WNT7B: variants seen among roughly 807,000 people sequenced by gnomAD.
WNT7B encodes protein Wnt-7b.
A neutral mutation model predicts 38.2 loss-of-function variants in WNT7B; 19 were observed. That is an observed-to-expected ratio of 0.50 (90% CI 0.35 to 0.73). The LOEUF (loss-of-function observed/expected upper bound fraction) is 0.73. Ranked by LOEUF, WNT7B falls within the 30% of genes least tolerant of loss-of-function variation. The pLI is 0.01. For synonymous variants in WNT7B, 243 were observed against 209.3 expected (o/e 1.16, Z -1.39); for missense variants, 423 against 507.9 (o/e 0.83, Z 1.61).
rs182576381 is a variant in WNT7B, at chr22:45,961,372, G to T, written c.72-11226C>A. On this transcript the variant is annotated intron_variant, in intron 1 of 3. Coordinates refer to ENST00000339464, the MANE Select transcript of WNT7B (RefSeq NM_058238.3). ...CAAGTGGCAGGGGAGGCCCGGGAGG[G>T]GCCTTACACCTGTGGGGGAGGGACA... is the stretch of plus-strand genomic sequence containing the variant. Among the ~76,000 whole-genome samples, 556 of 152,310 alleles carry T rather than the reference G, an allele frequency of 3.7e-3. 5 individuals carry two copies. The highest frequency in any genetic ancestry group is 5.5e-3 in the Non-Finnish European group (376 of 68,016).
At position 45,922,790 on chromosome 22, in the gene WNT7B, G is replaced by A. The variant is rs1398380763; in HGVS notation, c.*66C>T. ...TGCTGGCAGCACCAAGGCAGGGAAG[G>A]TGAGGAGTGGATGTGCAAAATGCCG... is the stretch of plus-strand genomic sequence containing the variant. On this transcript the variant is annotated 3_prime_UTR_variant, in exon 4 of 4. Transcript: ENST00000339464. The A allele has an allele frequency of 6.5e-7, 1 of 1,547,090 alleles. No homozygotes were observed. Among genetic ancestry groups the A allele is most frequent in the Non-Finnish European group, 8.7e-7 (1 of 1,144,822 alleles).
At chr22:45,938,072 C>G (rs1200670622) in intron 2 of WNT7B, among the ~76,000 whole-genome samples, 1 of 151,896 alleles carries the variant, frequency 6.6e-6, no homozygotes, top group Non-Finnish European at 1.5e-5. Flanking sequence ...TTAGAAAGGA[C>G]AAAGACTAAC....
At chr22:45,942,295 C>T (rs1931668894) in intron 2 of WNT7B, among the ~76,000 whole-genome samples, 1 of 152,230 alleles carries the variant, frequency 6.6e-6, no homozygotes, top group South Asian at 2.1e-4. Flanking sequence ...AAGCTCAGGG[C>T]CCAGGTGGGG....
chr22:45,949,970 T>C lies in WNT7B; in HGVS notation c.248A>G (p.Asn83Ser), dbSNP rs751938117. The change falls in exon 2 of 4, where the codon AAC becomes AGC. Residue 83 changes from asparagine (N) to serine (S), a missense_variant. Asn to Ser is a conservative substitution (Grantham distance 46). Coordinates refer to ENST00000339464, the MANE Select transcript of WNT7B (RefSeq NM_058238.3). ...GGTCTTCTCGCCGAGGGCAGAGCAG[T>C]TCCAGCGTCCGAAGCGGAACTGGTA... ...CQYQFRFGRW[N>S]CSALGEKTVF... is the part of the protein sequence containing the mutation. The C allele has an allele frequency of 1.6e-5, 26 of 1,613,632 alleles. No homozygotes were observed. Among genetic ancestry groups the C allele is most frequent in the Non-Finnish European group, 2.2e-5 (26 of 1,179,950 alleles).
chr22:45,960,980 G>A (rs1932183131), intron 1 of WNT7B, among the ~76,000 whole-genome samples: 1 of 152,166 alleles, frequency 6.6e-6, no homozygotes, highest in African/African-American at 2.4e-5. Flanking sequence ...CAGGTCTGAG[G>A]TCATTCAGCA....
chr22:45,928,721 C>T (rs772981448), intron 3 of WNT7B, among the ~76,000 whole-genome samples: 51 of 152,310 alleles, frequency 3.3e-4, no homozygotes, highest in South Asian at 4.1e-4. Flanking sequence ...GTTCACACAG[C>T]ACCCTAGAGC....
At chr22:45,923,524 T>G (rs1294249835) in intron 3 of WNT7B, among the ~76,000 whole-genome samples, 189 bp from the exon 4 acceptor site, 1 of 152,108 alleles carries the variant, frequency 6.6e-6, no homozygotes, top group Admixed American at 6.5e-5. Flanking sequence ...TAACAATAGG[T>G]CTCCACTGCA....
intron 1 of WNT7B, among the ~76,000 whole-genome samples, chr22:45,967,368 A>T (rs769220689): frequency 2.0e-5 from 3 of 152,148 alleles, no homozygotes; most frequent in Non-Finnish European, 4.4e-5. Context: ...GGAGCCTGCT[A>T]CCGCCTCTCC....
At position 45,953,723 on chromosome 22, in the gene WNT7B, T is replaced by TAAA. The variant is rs528714196; in HGVS notation, c.72-3580_72-3578dup. Among the ~76,000 whole-genome samples, 164 of 134,292 alleles carry TAAA rather than the reference T, an allele frequency of 1.2e-3. 2 individuals carry two copies. The highest frequency in any genetic ancestry group is 6.8e-3 in the South Asian group (27 of 3,982). 88.1% of individuals were successfully genotyped at this position (134,292 alleles called of 152,430 possible). ...CACACCCACTAGGATGGCTATGATT[T>TAAA]AAAAAAAAAAAAAAAAAGAAGAAGA... On this transcript the variant is annotated intron_variant, in intron 1 of 3. Coordinates refer to ENST00000339464, the MANE Select transcript of WNT7B (RefSeq NM_058238.3).
At chr22:45,935,926 CTGCT>C in intron 2 of WNT7B, 2 of 985,282 alleles carry the variant, frequency 2.0e-6, no homozygotes, top group Non-Finnish European at 2.4e-6. Context: ...GGCAGCTGTC[CTGCT>C]GGTACACTTG....
rs148280632 is a variant in WNT7B, at chr22:45,966,305, C to T, written c.71+10379G>A. On this transcript the variant is annotated intron_variant, in intron 1 of 3. Transcript: ENST00000339464. The surrounding 1 kb of genome is among the most constrained non-coding windows in gnomAD (Gnocchi z 4.2). ...ATCTGTCTCACCACGTGGGACTGCG[C>T]GGGCCTAAGTCTCAGCTCTGGATGC... Among the ~76,000 whole-genome samples, 316 of 152,332 alleles carry T rather than the reference C, an allele frequency of 2.1e-3. 15 individuals are homozygous for T. The South Asian group carries it at 0.054, about 26-fold the overall frequency.
intron 2 of WNT7B, among the ~76,000 whole-genome samples, chr22:45,945,371 G>T (rs1014973471): frequency 6.6e-6 from 1 of 152,218 alleles, no homozygotes; most frequent in Non-Finnish European, 1.5e-5. Flanking sequence ...GAGCCACCAT[G>T]CCTGGCTGGT....
chr22:45,955,326 G>A (rs558501058), intron 1 of WNT7B, among the ~76,000 whole-genome samples: 9 of 152,354 alleles, frequency 5.9e-5, no homozygotes, highest in Admixed American at 1.3e-4. Flanking sequence ...GAGAATGGTC[G>A]GCATGGGAAG....
intron 2 of WNT7B, among the ~76,000 whole-genome samples, chr22:45,948,847 T>TC (rs1931859074): frequency 7.2e-6 from 1 of 138,538 alleles, no homozygotes; most frequent in Non-Finnish European, 1.5e-5. Context: ...TTTTTTTTTT[T>TC]TTTTTTTTTT....
At position 45,965,226 on chromosome 22, in the gene WNT7B, G is replaced by A. The variant is rs73888732; in HGVS notation, c.71+11458C>T. Among the ~76,000 whole-genome samples, 478 of 152,274 alleles carry A rather than the reference G, an allele frequency of 3.1e-3. No individual in the cohort carries two copies. Among genetic ancestry groups the A allele is most frequent in the African/African-American group, 0.011 (464 of 41,540 alleles). ...CCTTCCCTCCAGCAGGTCCTTCAGG[G>A]CCGAGGTCAGAGGCTGCCTTACTTG... On this transcript the variant is annotated intron_variant, in intron 1 of 3. Transcript: ENST00000339464. The surrounding 1 kb of genome is among the most constrained non-coding windows in gnomAD (Gnocchi z 6.5).
intron 2 of WNT7B, among the ~76,000 whole-genome samples, chr22:45,949,078 C>G (rs1015305196): frequency 3.9e-5 from 6 of 151,940 alleles, no homozygotes; most frequent in Non-Finnish European, 7.4e-5. Flanking sequence ...TGATCCACCC[C>G]CCTCGTCCTC....
At chr22:45,929,201 C>A (rs1343363262) in intron 3 of WNT7B, among the ~76,000 whole-genome samples, 1 of 152,204 alleles carries the variant, frequency 6.6e-6, no homozygotes, top group African/African-American at 2.4e-5. Context: ...CTCCCAGATG[C>A]CTCCAGGTAG....
chr22:45,944,423 C>T (rs1041258052), intron 2 of WNT7B, among the ~76,000 whole-genome samples: 5 of 152,204 alleles, frequency 3.3e-5, no homozygotes, highest in East Asian at 3.9e-4. Flanking sequence ...GGGGCAGCCC[C>T]GGCCTCGTCC....
chr22:45,931,901 C>T (rs1254570740), intron 2 of WNT7B, among the ~76,000 whole-genome samples: 1 of 152,180 alleles, frequency 6.6e-6, no homozygotes, highest in Non-Finnish European at 1.5e-5. Context: ...GCCTCGTCCC[C>T]ACCCCCAGCC....
Sources: allele counts gnomAD v4.1 joint callset (sites outside exome capture counted in the v4.1 genomes callset), GRCh38; gene constraint gnomAD v4.1.1; non-coding constraint Gnocchi (gnomAD v3.1); transcripts MANE v1.5; gene names NCBI Gene and HGNC (gene_info 2026-07-23, HGNC 2026-07-21).